The following HECW1 variants were observed in gnomAD, a reference collection of about 807,000 sequenced individuals.
HECW1 encodes E3 ubiquitin-protein ligase HECW1.
HECW1 carries 61 observed loss-of-function variants against 182.3 expected under a neutral mutation model. The observed-to-expected ratio is 0.33, with a 90% CI of 0.27 to 0.41. The LOEUF (loss-of-function observed/expected upper bound fraction) is 0.41. Among genes scored for constraint, HECW1 ranks in the 10% least tolerant of loss-of-function variants. The probability of loss-of-function intolerance (pLI) is 1.00; values close to 1 mark genes in which losing one functional copy is unlikely to be tolerated. For synonymous variants in HECW1, 859 were observed against 832.6 expected, an observed-to-expected ratio of 1.03 and a Z score of -0.55; for missense variants, 1,739 against 2,108.9, an observed-to-expected ratio of 0.82 and a Z score of 3.44.
At chr7:43,225,492 A>T (rs1797343819) in intron 2 of HECW1, among the ~76,000 whole-genome samples, 1 of 152,216 alleles carries the variant, frequency 6.6e-6, no homozygotes, top group African/African-American at 2.4e-5. Flanking sequence ...AAAAAACTGG[A>T]AACAACCTAA....
At chr7:43,465,904 AAGAG>A (rs933601037) in intron 14 of HECW1, among the ~76,000 whole-genome samples, 3 of 150,964 alleles carry the variant, frequency 2.0e-5, no homozygotes, top group African/African-American at 2.4e-5. Flanking sequence ...AAGAAAGACA[AAGAG>A]AGAGAGAGAA....
At chr7:43,450,373 G>A (rs75417226) in intron 11 of HECW1, among the ~76,000 whole-genome samples, 5,124 of 152,216 alleles carry the variant, frequency 0.034, 282 homozygotes, top group African/African-American at 0.12. Context: ...CCTTTCGGCA[G>A]CCCTGTGATG....
At chr7:43,240,201 G>A (rs542245709) in intron 2 of HECW1, among the ~76,000 whole-genome samples, 45 of 152,234 alleles carry the variant, frequency 3.0e-4, no homozygotes, top group African/African-American at 1.0e-3. Context: ...AGCCAGGCAT[G>A]GTGGTGGGCG....
In HECW1 at chr7:43,207,335, C is replaced by T. The variant is rs563744923; in HGVS notation, c.-31-36540C>T. Reference sequence around the variant, plus strand: ...TGCTGGGATTACAGATGTGAGCCACCGCACGCCGCCTAAAATTCTATTTTT... The same window carrying T: ...TGCTGGGATTACAGATGTGAGCCACTGCACGCCGCCTAAAATTCTATTTTT... On this transcript the variant is annotated intron_variant, in intron 2 of 29. Transcript: ENST00000395891. Among the ~76,000 whole-genome samples the T allele has an allele frequency of 5.3e-5, 8 of 152,228 alleles. No individual in the cohort carries two copies. In the East Asian group the frequency reaches 1.3e-3, roughly 26 times the overall value.
At chr7:43,503,293 G>A (rs974370647) in intron 21 of HECW1, among the ~76,000 whole-genome samples, 17 of 152,272 alleles carry the variant, frequency 1.1e-4, no homozygotes, top group African/African-American at 2.6e-4. Context: ...TTTGGGGAGC[G>A]AAGACAAAAG....
At chr7:43,269,772 G>T (rs552995799) in intron 3 of HECW1, among the ~76,000 whole-genome samples, 2 of 152,134 alleles carry the variant, frequency 1.3e-5, no homozygotes, top group Non-Finnish European at 2.9e-5. Context: ...TACAAAGCTG[G>T]GGGCGGGAAG....
chr7:43,553,853 A>G (rs2081933025), intron 28 of HECW1, among the ~76,000 whole-genome samples: 1 of 151,838 alleles, frequency 6.6e-6, no homozygotes, highest in East Asian at 1.9e-4. Context: ...TCTTCCCTCC[A>G]CTTGCACAAG....
At chr7:43,435,071 G>A (rs1006244301) in intron 8 of HECW1, among the ~76,000 whole-genome samples, 1 of 151,568 alleles carries the variant, frequency 6.6e-6, no homozygotes, top group African/African-American at 2.4e-5. Context: ...TATTTGTCCT[G>A]TTTGTGTTAC....
chr7:43,123,294 C>T (rs1398389310), intron 2 of HECW1, among the ~76,000 whole-genome samples: 1 of 152,148 alleles, frequency 6.6e-6, no homozygotes, highest in Admixed American at 6.5e-5. Context: ...CAGAACATTG[C>T]CCTTGTCAGG....
At chr7:43,554,174 C>A (rs1005810903) in intron 28 of HECW1, among the ~76,000 whole-genome samples, 12 of 152,126 alleles carry the variant, frequency 7.9e-5, no homozygotes, top group Non-Finnish European at 1.6e-4. Context: ...TAGACTCTCC[C>A]GTGGTATGTG....
intron 6 of HECW1, among the ~76,000 whole-genome samples, chr7:43,365,332 C>A (rs1816493303): frequency 6.6e-6 from 1 of 152,230 alleles, no homozygotes; most frequent in African/African-American, 2.4e-5. Context: ...TCCTCCCCAC[C>A]CACTCTGAGG....
chr7:43,165,658 G>A (rs1031831884), intron 2 of HECW1, among the ~76,000 whole-genome samples: 12 of 152,044 alleles, frequency 7.9e-5, no homozygotes, highest in Admixed American at 3.9e-4. Context: ...ATACATAGGC[G>A]TTGTGAGCCC....
intron 24 of HECW1, among the ~76,000 whole-genome samples, chr7:43,516,276 G>A (rs1441841245): frequency 6.6e-6 from 1 of 152,128 alleles, no homozygotes; most frequent in Non-Finnish European, 1.5e-5. Context: ...AAGGAGGGAG[G>A]GAAGAAGACA....
intron 6 of HECW1, among the ~76,000 whole-genome samples, chr7:43,372,117 C>T (rs536680751): frequency 7.2e-5 from 11 of 152,238 alleles, no homozygotes; most frequent in Non-Finnish European, 8.8e-5. Context: ...CCACCAAGCC[C>T]GGCCTCAATA....
intron 2 of HECW1, among the ~76,000 whole-genome samples, chr7:43,227,171 T>A (rs781654768): frequency 6.6e-6 from 1 of 152,226 alleles, no homozygotes; most frequent in Non-Finnish European, 1.5e-5. Flanking sequence ...AGAAACAATA[T>A]GAAATTGACC....
At chr7:43,118,077 G>A (rs1785218388) in intron 2 of HECW1, 1 of 152,674 alleles carries the variant, frequency 6.5e-6, no homozygotes, top group Non-Finnish European at 1.5e-5. Context: ...GAAGAGTTGG[G>A]AAAGGACGCC....
At chr7:43,370,677 A>C (rs1006272527) in intron 6 of HECW1, among the ~76,000 whole-genome samples, 32 of 152,300 alleles carry the variant, frequency 2.1e-4, no homozygotes, top group Middle Eastern at 3.4e-3. Flanking sequence ...TACTAAAAAA[A>C]AATGAGCTGC....
intron 8 of HECW1, among the ~76,000 whole-genome samples, chr7:43,426,817 T>A (rs1274547651): frequency 6.6e-6 from 1 of 152,164 alleles, no homozygotes; most frequent in African/African-American, 2.4e-5. Flanking sequence ...GAATTAATTT[T>A]AAAATTTTTA....
At chr7:43,536,829 C>T (rs1349908699) in intron 24 of HECW1, among the ~76,000 whole-genome samples, 4 of 152,306 alleles carry the variant, frequency 2.6e-5, no homozygotes, top group African/African-American at 9.6e-5. Flanking sequence ...CAGGCAACTC[C>T]TCCGCGAGGC....
Sources: gnomAD v4.1 joint callset for allele counts (sites outside exome capture counted in the v4.1 genomes callset) on GRCh38, gnomAD v4.1.1 for gene constraint, MANE v1.5 for transcripts, NCBI Gene and HGNC (gene_info 2026-07-23, HGNC 2026-07-21) for gene names.